Variants in PCDH15 observed in about 807,000 individuals in gnomAD.
The protein encoded by PCDH15 is protocadherin-15.
A neutral mutation model predicts 178.5 loss-of-function variants in PCDH15; 129 were observed. The observed-to-expected ratio is 0.72, with a 90% confidence interval of 0.63 to 0.84. PCDH15 has a LOEUF of 0.84. Ranked by LOEUF, PCDH15 falls within the 40% of genes least tolerant of loss-of-function variation. The pLI is 0.00. For synonymous variants in PCDH15, 800 were observed against 732.0 expected, an observed-to-expected ratio of 1.09 and a Z score of -1.50; for missense variants, 2,230 against 2,099.9, an observed-to-expected ratio of 1.06 and a Z score of -1.21.
At chr10:53,904,710 TAGTC>T (rs1172049804) in intron 25 of PCDH15, among the ~76,000 whole-genome samples, 3 of 152,190 alleles carry the variant, frequency 2.0e-5, no homozygotes, top group Non-Finnish European at 4.4e-5. Flanking sequence ...ACTTGTACCT[TAGTC>T]AGCCACCACA....
rs369289143 is a variant in PCDH15 at position 53,827,431 on chromosome 10, T to G, written c.4329A>C (p.Pro1443=). 26 of 1,613,096 alleles carry G rather than the reference T, an allele frequency of 1.6e-5. 1 individual carries two copies. In the South Asian group the frequency reaches 2.1e-4, roughly 13 times the overall value. ...AAPPPPPPPP[P]GAHLYEELGD... is the part of the protein sequence containing the mutation. Reference sequence around the variant, plus strand: ...CAAGTTCTTCATAGAGATGCGCACCTGGCGGAGGCGGCGGCGGCGGCGGGG... The same window carrying G: ...CAAGTTCTTCATAGAGATGCGCACCGGGCGGAGGCGGCGGCGGCGGCGGGG... The change falls in exon 32 of 38, where the codon CCA becomes CCC. Residue 1443 remains proline (P), a synonymous_variant. Coordinates refer to ENST00000644397, the MANE Select transcript of PCDH15 (RefSeq NM_001384140.1).
intron 1 of PCDH15, among the ~76,000 whole-genome samples, chr10:55,233,746 C>T (rs1429214633): frequency 4.6e-5 from 7 of 152,038 alleles, no homozygotes; most frequent in African/African-American, 9.7e-5. Flanking sequence ...AGCAATTCAC[C>T]AGATGTAAAG....
At position 55,318,877 on chromosome 10, in the gene PCDH15, GA is replaced by G. The variant is rs548588729; in HGVS notation, c.-156+721del. On this transcript the variant is annotated intron_variant, in intron 1 of 5. Coordinates refer to the PCDH15 transcript ENST00000458638. ...CAAACTGGAATTTTCTCAAAGGGAA[GA>G]AAAAGCATTTTTTTTCTGGCAAATC... Among the ~76,000 whole-genome samples the G allele has an allele frequency of 3.3e-3, 506 of 152,164 alleles. 4 individuals are homozygous for G. Among genetic ancestry groups the G allele is most frequent in the Middle Eastern group, 0.014 (4 of 294 alleles).
chr10:54,825,087 T>C (rs1291907686), intron 3 of PCDH15, among the ~76,000 whole-genome samples: 3 of 152,018 alleles, frequency 2.0e-5, no homozygotes, highest in Admixed American at 2.0e-4. Flanking sequence ...TGTGTTCTCA[T>C]TGTTCAATTC....
chr10:55,234,858 A>G (rs1278195681), intron 1 of PCDH15, among the ~76,000 whole-genome samples: 1 of 151,904 alleles, frequency 6.6e-6, no homozygotes, highest in Non-Finnish European at 1.5e-5. Flanking sequence ...TAAATATGTC[A>G]AAAGTTTTAT....
chr10:54,434,675 C>T (rs1185679453), intron 3 of PCDH15, among the ~76,000 whole-genome samples: 1 of 152,150 alleles, frequency 6.6e-6, no homozygotes, highest in Non-Finnish European at 1.5e-5. Flanking sequence ...GAAACTATGC[C>T]TATCATCAAT....
intron 2 of PCDH15, among the ~76,000 whole-genome samples, chr10:55,131,712 G>GCTCCTC (rs1838050022): frequency 6.6e-6 from 1 of 151,198 alleles, no homozygotes; most frequent in Non-Finnish European, 1.5e-5. Context: ...CCAGGAGTGG[G>GCTCCTC]TAGCTCCTCT....
rs1841474018 is a variant in PCDH15 at position 55,062,971 on chromosome 10, T to C, written c.-80+103605A>G. 2.6e-5 allele frequency among the ~76,000 whole-genome samples: 4 copies of C among 152,226 alleles called. No individual in the cohort carries two copies. The South Asian group carries it at 8.3e-4, about 32-fold the overall frequency. On this transcript the variant is annotated intron_variant, in intron 2 of 5. Transcript: ENST00000458638. Reference sequence around the variant, plus strand: ...TAAAAGATGTATGTGAATTGCCTCATTTATCCCCAAAACAACCCTATGAAA... The same window carrying C: ...TAAAAGATGTATGTGAATTGCCTCACTTATCCCCAAAACAACCCTATGAAA...
chr10:54,246,593 G>A (rs560254906), intron 8 of PCDH15, among the ~76,000 whole-genome samples: 159 of 151,492 alleles, frequency 1.0e-3, no homozygotes, highest in Admixed American at 3.0e-3. Flanking sequence ...TTCAACTGGC[G>A]ATGAACTTTG....
chr10:54,144,811 GA>G (rs1465221095), intron 14 of PCDH15, among the ~76,000 whole-genome samples: 2 of 152,156 alleles, frequency 1.3e-5, no homozygotes. Context: ...AAATGGAAAA[GA>G]TTTGCTGACT....
In PCDH15 at chr10:54,376,621, A is replaced by G. The variant is rs147922260; in HGVS notation, c.318+2161T>C. ...TACAGAAGAAAAAATATCTTATTCT[A>G]TATCAATGTAAATAATGTTAAAACA... On this transcript the variant is annotated intron_variant, in intron 4 of 37. Coordinates refer to ENST00000644397, the MANE Select transcript of PCDH15 (RefSeq NM_001384140.1). Among the ~76,000 whole-genome samples, 998 of 151,804 alleles carry G rather than the reference A, an allele frequency of 6.6e-3. 13 individuals are homozygous for G. Among genetic ancestry groups the G allele is most frequent in the African/African-American group, 0.023 (969 of 41,502 alleles).
At chr10:55,088,117 T>G (rs1238092094) in intron 2 of PCDH15, among the ~76,000 whole-genome samples, 1 of 152,106 alleles carries the variant, frequency 6.6e-6, no homozygotes, top group Non-Finnish European at 1.5e-5. Flanking sequence ...AAACTACTCT[T>G]GTGTTATCTT....
chr10:54,866,067 A>G (rs1005906655), intron 3 of PCDH15, among the ~76,000 whole-genome samples: 1 of 152,212 alleles, frequency 6.6e-6, no homozygotes, highest in Non-Finnish European at 1.5e-5. Flanking sequence ...TAAAAAAGTA[A>G]GTCAATAAAA....
In PCDH15 at chr10:53,806,926, C is replaced by A; in HGVS notation, c.4876G>T (p.Ala1626Ser). 1.9e-6 allele frequency: 3 copies of A among 1,613,852 alleles called. No individual in the cohort carries two copies. The highest frequency in any genetic ancestry group is 1.1e-5 in the South Asian group (1 of 91,084). Residue 1626 changes from alanine (A) to serine (S), a missense_variant, in exon 38 of 38, where the codon GCT becomes TCT. Coordinates refer to ENST00000644397, the MANE Select transcript of PCDH15 (RefSeq NM_001384140.1). ...RACLTDNLKV[A>S]SPVRLGGPFK... ...GGCCCTCCCAGTCGAACAGGGGAAG[C>A]AACTTTTAAGTTGTCCGTGAGGCAG...
At chr10:54,620,486 A>C (rs1420248200) in intron 2 of PCDH15, among the ~76,000 whole-genome samples, 1 of 151,946 alleles carries the variant, frequency 6.6e-6, no homozygotes, top group African/African-American at 2.4e-5. Flanking sequence ...GGTTTCTAAA[A>C]CCGATTCTTT....
intron 10 of PCDH15, among the ~76,000 whole-genome samples, chr10:54,208,688 G>A (rs2051080130): frequency 6.6e-6 from 1 of 151,914 alleles, no homozygotes; most frequent in African/African-American, 2.4e-5. Context: ...TTTGTACTTT[G>A]TTAGAGTGGC....
At chr10:53,949,896 T>A (rs767745720) in intron 23 of PCDH15, among the ~76,000 whole-genome samples, 1 of 152,214 alleles carries the variant, frequency 6.6e-6, no homozygotes, top group Non-Finnish European at 1.5e-5. Flanking sequence ...TAAATTATAC[T>A]TTTTCTGTTT....
At chr10:54,298,318 A>T (rs377368351) in intron 8 of PCDH15, among the ~76,000 whole-genome samples, 1 of 152,262 alleles carries the variant, frequency 6.6e-6, no homozygotes. Context: ...TAAAATCTGG[A>T]GGCATTATTA....
At chr10:54,068,711 CAG>C (rs1013758955) in intron 17 of PCDH15, among the ~76,000 whole-genome samples, 9 of 152,134 alleles carry the variant, frequency 5.9e-5, no homozygotes, top group African/African-American at 2.2e-4. Flanking sequence ...CGAATAGCGA[CAG>C]AAATGATCAC....
Sources: gnomAD v4.1 joint callset for allele counts (sites outside exome capture counted in the v4.1 genomes callset) on GRCh38, gnomAD v4.1.1 for gene constraint, MANE v1.5 for transcripts, NCBI Gene and HGNC (gene_info 2026-07-23, HGNC 2026-07-21) for gene names.